ECHDC1: variants seen among roughly 807,000 people sequenced by gnomAD.
The protein encoded by ECHDC1 is ethylmalonyl-CoA decarboxylase.
Under a neutral mutation model 29.7 loss-of-function variants are expected in ECHDC1, and 29 were observed. The observed-to-expected ratio is 0.98, with a 90% CI of 0.73 to 1.33. The LOEUF (loss-of-function observed/expected upper bound fraction) is 1.33. Ranked by LOEUF, ECHDC1 falls within the 40% of genes most tolerant of loss-of-function variation. The pLI is 0.00. For missense variants in ECHDC1, 328 were observed against 350.0 expected, an observed-to-expected ratio of 0.94 and a Z score of 0.50; for synonymous variants, 126 against 123.1, an observed-to-expected ratio of 1.02 and a Z score of -0.15.
chr6:127,323,175 A>ATT (rs1782988659), intron 3 of ECHDC1, among the ~76,000 whole-genome samples: 1 of 152,038 alleles, frequency 6.6e-6, no homozygotes, highest in Non-Finnish European at 1.5e-5. Context: ...AGGATATCTC[A>ATT]TTATATATAT....
At chr6:127,301,287 A>C (rs967070637) in intron 5 of ECHDC1, among the ~76,000 whole-genome samples, 1 of 152,208 alleles carries the variant, frequency 6.6e-6, no homozygotes, top group Non-Finnish European at 1.5e-5. Context: ...GGACAGTGTT[A>C]GAATGCTACA....
chr6:127,296,465 G>GT lies in ECHDC1; in HGVS notation c.498-6189dup, dbSNP rs554752503. Among the ~76,000 whole-genome samples, 1,050 of 152,040 alleles carry GT rather than the reference G, an allele frequency of 6.9e-3. 14 individuals carry two copies. Among genetic ancestry groups the GT allele is most frequent in the African/African-American group, 0.025 (1,018 of 41,452 alleles). The stretch of plus-strand genomic sequence containing the variant: ...GCCTCGGCCTCCCACAGTGGACCAT[G>GT]TTTTTTTAAAAAGGCTTGTGTGGCA... On this transcript the variant is annotated intron_variant, in intron 5 of 5. Coordinates refer to ENST00000454859, the MANE Select transcript of ECHDC1 (RefSeq NM_001002030.2).
At chr6:127,304,228 G>A (rs1326269031) in intron 5 of ECHDC1, among the ~76,000 whole-genome samples, 1 of 152,216 alleles carries the variant, frequency 6.6e-6, no homozygotes, top group African/African-American at 2.4e-5. Flanking sequence ...TTGGGAGAAA[G>A]TGAGGGAAGA....
chr6:127,329,742 T>C (rs954218625), intron 2 of ECHDC1: 1 of 311,756 alleles, frequency 3.2e-6, no homozygotes, highest in Non-Finnish European at 6.4e-6. Context: ...TATAAGTGAA[T>C]TGTTAAACTT....
chr6:127,290,059 G>T lies in ECHDC1; in HGVS notation c.716C>A (p.Ala239Glu). 2 of 1,613,620 alleles carry T rather than the reference G, an allele frequency of 1.2e-6. No individual in the cohort carries two copies. Among genetic ancestry groups the T allele is most frequent in the East Asian group, 4.5e-5 (2 of 44,846 alleles). Residue 239 changes from alanine to glutamate, a missense_variant, in exon 6 of 6, where the codon GCA (alanine) becomes GAA (glutamate). Coordinates refer to ENST00000454859, the MANE Select transcript of ECHDC1 (RefSeq NM_001002030.2). Reference protein sequence around the residue: ...SSDETKSLEEAQEWLKQFIQG... With the variant: ...SSDETKSLEEEQEWLKQFIQG... Reference sequence around the variant, plus strand: ...GATGAATTGCTTTAGCCATTCTTGTGCCTCTTCTAGAGATTTAGTTTCATC... The same window carrying T: ...GATGAATTGCTTTAGCCATTCTTGTTCCTCTTCTAGAGATTTAGTTTCATC...
At chr6:127,336,485 G>A (rs1444615133) in intron 1 of ECHDC1, among the ~76,000 whole-genome samples, 2 of 152,064 alleles carry the variant, frequency 1.3e-5, no homozygotes, top group African/African-American at 4.8e-5. Context: ...CTTTCCCAAA[G>A]GGAAGTAAAA....
intron 1 of ECHDC1, among the ~76,000 whole-genome samples, chr6:127,341,903 T>A (rs534306219): frequency 3.3e-5 from 5 of 152,382 alleles, no homozygotes; most frequent in Admixed American, 2.0e-4. Flanking sequence ...ATCGCCTGTT[T>A]GTAAAAGTTC....
rs568943740 is a variant in ECHDC1 at position 127,297,694 on chromosome 6, A to T, written c.498-7417T>A. Among the ~76,000 whole-genome samples the T allele has an allele frequency of 2.0e-5, 3 of 152,294 alleles. No individual in the cohort carries two copies. In the South Asian group the frequency reaches 6.2e-4, roughly 32 times the overall value. On this transcript the variant is annotated intron_variant, in intron 5 of 5. Transcript: ENST00000454859. ...ATGGGGGTGGGCTTACCTGAAACAG[A>T]CCTGCAGTTAAACAAACAAGAGAAG...
chr6:127,312,489 T>C (rs1433156856), intron 5 of ECHDC1, among the ~76,000 whole-genome samples: 1 of 152,142 alleles, frequency 6.6e-6, no homozygotes, highest in Non-Finnish European at 1.5e-5. Flanking sequence ...ATAAAAATTA[T>C]ACAACCCACC....
intron 5 of ECHDC1, among the ~76,000 whole-genome samples, chr6:127,296,069 G>A (rs1416195341): frequency 6.6e-6 from 1 of 152,174 alleles, no homozygotes; most frequent in Non-Finnish European, 1.5e-5. Flanking sequence ...AACCATTCAA[G>A]TACTAGAAGA....
At chr6:127,331,970 A>C in intron 1 of ECHDC1, 44 of 652,746 alleles carry the variant, frequency 6.7e-5, no homozygotes, top group Non-Finnish European at 7.8e-5. Context: ...GAGTAATCTC[A>C]TCTCTGCCCA....
intron 5 of ECHDC1, among the ~76,000 whole-genome samples, chr6:127,299,504 T>C (rs1780888907): frequency 6.6e-6 from 1 of 150,612 alleles, no homozygotes; most frequent in Non-Finnish European, 1.5e-5. Flanking sequence ...AAAAAGCTTA[T>C]AGAATAAGGA....
At chr6:127,315,777 G>T (rs1186047321) in intron 4 of ECHDC1, 4 of 378,382 alleles carry the variant, frequency 1.1e-5, no homozygotes, top group African/African-American at 2.1e-5. Flanking sequence ...TAGACTCTCA[G>T]ATACAATAGG....
chr6:127,322,913 T>C (rs954160003), intron 3 of ECHDC1, among the ~76,000 whole-genome samples: 1 of 152,024 alleles, frequency 6.6e-6, no homozygotes, highest in Non-Finnish European at 1.5e-5. Context: ...ATACAACCAT[T>C]TGAGAGATGA....
intron 3 of ECHDC1, chr6:127,326,616 AAAAAG>A (rs1463190757): frequency 7.3e-6 from 3 of 410,760 alleles, no homozygotes; most frequent in South Asian, 4.0e-5. Flanking sequence ...ATATTTTTTA[AAAAAG>A]AAATCAATAC....
rs1184100808 is a variant in ECHDC1, at chr6:127,330,856, A to G, written c.173T>C (p.Ile58Thr). 1 of 1,614,162 alleles carries G rather than the reference A, an allele frequency of 6.2e-7. No individual in the cohort carries two copies. Among genetic ancestry groups the G allele is most frequent in the Admixed American group, 1.7e-5 (1 of 60,026 alleles). The change falls in exon 2 of 6, where the codon ATT becomes ACT. Residue 58 changes from isoleucine to threonine, a missense_variant. Coordinates refer to ENST00000454859, the MANE Select transcript of ECHDC1 (RefSeq NM_001002030.2). ...TGGATTGTTCAGAGTAAGAATGCCA[A>G]TGCCATTGTCTTCCTTCTGAAGGTC... The part of the protein sequence containing the change: ...SIDLQKEDNG[I>T]GILTLNNPSR...
rs1169585401 is a variant in ECHDC1 at position 127,288,998 on chromosome 6, T to G, written c.*871A>C. On this transcript the variant is annotated 3_prime_UTR_variant, in exon 6 of 6. Coordinates refer to ENST00000454859, the MANE Select transcript of ECHDC1 (RefSeq NM_001002030.2). Reference sequence around the variant, plus strand: ...TTTGACTTTCACATTTTTTAAAAAGTGTATTGCTGGGATCATAAACATTTT... The same window carrying G: ...TTTGACTTTCACATTTTTTAAAAAGGGTATTGCTGGGATCATAAACATTTT... The G allele has an allele frequency of 6.6e-6, 1 of 152,076 alleles. No homozygotes were observed. Among genetic ancestry groups the G allele is most frequent in the Non-Finnish European group, 1.5e-5 (1 of 67,966 alleles). The allele number at this position is 152,076 out of a possible 1,614,324, so 9.4% of individuals were successfully genotyped here.
chr6:127,332,613 G>C (rs13218061), intron 1 of ECHDC1, among the ~76,000 whole-genome samples: 1 of 151,940 alleles, frequency 6.6e-6, no homozygotes, highest in Admixed American at 6.6e-5. Flanking sequence ...GAGTTCTTCC[G>C]GGTCACAGGT....
At chr6:127,319,429 ATATTAC>A (rs1782662300) in intron 3 of ECHDC1, among the ~76,000 whole-genome samples, 1 of 152,216 alleles carries the variant, frequency 6.6e-6, no homozygotes, top group South Asian at 2.1e-4. Flanking sequence ...ATTATTATTA[ATATTAC>A]TAACAATACT....
Sources: allele counts gnomAD v4.1 joint callset (sites outside exome capture counted in the v4.1 genomes callset), GRCh38; gene constraint gnomAD v4.1.1; transcripts MANE v1.5; gene names NCBI Gene and HGNC (gene_info 2026-07-23, HGNC 2026-07-21).